Variants in GPATCH2L observed in about 807,000 individuals in gnomAD.
GPATCH2L encodes G-patch domain containing 2 like, also known as G patch domain-containing protein 2-like.
Under a neutral mutation model 57.4 loss-of-function variants are expected in GPATCH2L, and 31 were observed. The ratio of observed to expected loss-of-function variants is 0.54; its 90% CI spans 0.41 to 0.73. GPATCH2L has a LOEUF of 0.73. GPATCH2L is among the 30% of genes least tolerant of loss of function. GPATCH2L has a pLI of 0.00. For missense variants in GPATCH2L, 481 were observed against 599.9 expected, an observed-to-expected ratio of 0.80 and a Z score of 2.07; for synonymous variants, 199 against 210.7, an observed-to-expected ratio of 0.94 and a Z score of 0.48.
At chr14:76,191,984 C>A (rs1447641705) in intron 8 of GPATCH2L, among the ~76,000 whole-genome samples, 6 of 152,174 alleles carry the variant, frequency 3.9e-5, no homozygotes, top group African/African-American at 1.4e-4. Context: ...CTTTTTACTT[C>A]TATGAGATCA....
intron 1 of GPATCH2L, among the ~76,000 whole-genome samples, chr14:76,223,919 C>T (rs1178971483): frequency 6.6e-6 from 1 of 152,146 alleles, no homozygotes; most frequent in African/African-American, 2.4e-5. Context: ...AACTTATGTA[C>T]CCCCAAAAGC....
intron 8 of GPATCH2L, among the ~76,000 whole-genome samples, chr14:76,184,213 A>G (rs974133823): frequency 5.9e-5 from 9 of 152,186 alleles, no homozygotes; most frequent in African/African-American, 1.9e-4. Context: ...CCTCTTCATC[A>G]TGGAATTTTT....
At chr14:76,165,319 C>T (rs1455728402) in intron 2 of GPATCH2L, among the ~76,000 whole-genome samples, 9 of 151,868 alleles carry the variant, frequency 5.9e-5, no homozygotes, top group Non-Finnish European at 1.2e-4. Flanking sequence ...TGGTGAAACC[C>T]TGTTTCTACT....
chr14:76,222,498 T>C (rs1278813396), intron 1 of GPATCH2L, among the ~76,000 whole-genome samples: 1 of 151,822 alleles, frequency 6.6e-6, no homozygotes. Flanking sequence ...TCCCAGCTAC[T>C]CAGGAGGCTG....
rs1202661077 is a variant in GPATCH2L at position 76,210,340 on chromosome 14, TAA to T, written c.*8491_*8492del. ...CAAGATTCAGATTCAAGTCTGATGT[TAA>T]AGAGTGTCTGTTCCCAATCAATACC... On this transcript the variant is annotated 3_prime_UTR_variant, in exon 10 of 10. Coordinates refer to ENST00000261530, the MANE Select transcript of GPATCH2L (RefSeq NM_017926.4). The T allele has an allele frequency of 6.6e-6, 1 of 152,236 alleles. No homozygotes were observed. Among genetic ancestry groups the T allele is most frequent in the African/African-American group, 2.4e-5 (1 of 41,464 alleles). 9.4% of individuals were successfully genotyped at this position (152,236 alleles called of 1,614,324 possible).
chr14:76,156,785 G>A (rs75354541), intron 2 of GPATCH2L, among the ~76,000 whole-genome samples: 3,183 of 152,252 alleles, frequency 0.021, 102 homozygotes, highest in African/African-American at 0.072. Flanking sequence ...GTGAGAGAGC[G>A]ACTGTTAACT....
rs1032490451 is a variant in GPATCH2L at position 76,151,932 on chromosome 14, G to C, written c.-70G>C. On this transcript the variant is annotated 5_prime_UTR_variant, in exon 1 of 10. Coordinates refer to ENST00000261530, the MANE Select transcript of GPATCH2L (RefSeq NM_017926.4). Reference sequence around the variant, plus strand: ...ACCGGAAATGAGGTCAGAGAGGGAAGCCCCGGCGGTGAGAGTCGGCCCAAA... The same window carrying C: ...ACCGGAAATGAGGTCAGAGAGGGAACCCCCGGCGGTGAGAGTCGGCCCAAA... 1.3e-5 allele frequency: 2 copies of C among 153,510 alleles called. No homozygotes were observed. Among genetic ancestry groups the C allele is most frequent in the Admixed American group, 6.5e-5 (1 of 15,308 alleles). The allele number at this position is 153,510 out of a possible 1,614,324, so 9.5% of individuals were successfully genotyped here.
intron 8 of GPATCH2L, 140 bp downstream of exon 8, chr14:76,180,989 G>T: frequency 1.6e-6 from 1 of 616,550 alleles, no homozygotes; most frequent in Non-Finnish European, 2.9e-6. Context: ...ATGTTTTACA[G>T]ATGTAGAAAC....
chr14:76,209,238 C>G lies in GPATCH2L; in HGVS notation c.*7387C>G, dbSNP rs778775419. ...GGTCAGTCTAGCACAGACTGGATGC[C>G]GGTCTCTGCCGCCACCTCCGTTATT... On this transcript the variant is annotated 3_prime_UTR_variant, in exon 10 of 10. Transcript: ENST00000261530. 1 of 152,198 alleles carries G rather than the reference C, an allele frequency of 6.6e-6. No homozygotes were observed. Among genetic ancestry groups the G allele is most frequent in the Admixed American group, 6.5e-5 (1 of 15,280 alleles). 9.4% of individuals were successfully genotyped at this position (152,198 alleles called of 1,614,324 possible).
At chr14:76,169,090 C>G (rs1052922744) in intron 3 of GPATCH2L, among the ~76,000 whole-genome samples, 1 of 152,220 alleles carries the variant, frequency 6.6e-6, no homozygotes, top group Admixed American at 6.5e-5. Flanking sequence ...CTTGTTAGTA[C>G]TGTCTCCACC....
rs537485687 is a variant in GPATCH2L at position 76,192,480 on chromosome 14, T to C, written c.1194-3398T>C. ...ACCTTGAAATGGGTCTTAAGAGAAA[T>C]GTTTTAAGAGGGAAGGATCATTTAA... On this transcript the variant is annotated intron_variant, in intron 8 of 9. Transcript: ENST00000261530. Among the ~76,000 whole-genome samples, 4 of 152,246 alleles carry C rather than the reference T, an allele frequency of 2.6e-5. No individual in the cohort carries two copies. In the East Asian group the frequency reaches 7.7e-4, roughly 29 times the overall value.
At chr14:76,168,716 C>T (rs983370260) in intron 3 of GPATCH2L, among the ~76,000 whole-genome samples, 1 of 152,126 alleles carries the variant, frequency 6.6e-6, no homozygotes, top group Non-Finnish European at 1.5e-5. Flanking sequence ...TATGACCAAG[C>T]CCAGAGTCAG....
At chr14:76,193,696 C>G (rs1323459410) in intron 8 of GPATCH2L, among the ~76,000 whole-genome samples, 1 of 152,164 alleles carries the variant, frequency 6.6e-6, no homozygotes, top group Admixed American at 6.5e-5. Context: ...TGTCTTCCCC[C>G]TCACCACTGC....
rs1205577292 is a variant in GPATCH2L, at chr14:76,212,931, A to G, written c.*11080A>G. On this transcript the variant is annotated 3_prime_UTR_variant, in exon 10 of 10. Transcript: ENST00000261530. Reference sequence around the variant, plus strand: ...TATTCTTGGGTTGATTAGGAAATGCAAAGTATTAAAAAAACATTTCATATC... The same window carrying G: ...TATTCTTGGGTTGATTAGGAAATGCGAAGTATTAAAAAAACATTTCATATC... 2.0e-5 allele frequency: 3 copies of G among 152,194 alleles called. No individual in the cohort carries two copies. Among genetic ancestry groups the G allele is most frequent in the Non-Finnish European group, 2.9e-5 (2 of 68,030 alleles). 9.4% of individuals were successfully genotyped at this position (152,194 alleles called of 1,614,324 possible).
chr14:76,176,390 A>T, intron 5 of GPATCH2L: 1 of 559,090 alleles, frequency 1.8e-6, no homozygotes, highest in East Asian at 3.0e-5. Flanking sequence ...TCTATGATGT[A>T]TTTATAAAGA....
intron 1 of GPATCH2L, among the ~76,000 whole-genome samples, chr14:76,224,427 A>G (rs1398864044): frequency 6.6e-6 from 1 of 152,212 alleles, no homozygotes; most frequent in Non-Finnish European, 1.5e-5. Flanking sequence ...ATTTCACTAC[A>G]TTAGCATCGT....
intron 1 of GPATCH2L, chr14:76,153,640 A>G (rs531017927): frequency 6.6e-6 from 1 of 152,348 alleles, no homozygotes; most frequent in East Asian, 1.9e-4. Context: ...TCAAAAATAT[A>G]TGACATACTG....
chr14:76,210,544 T>C lies in GPATCH2L; in HGVS notation c.*8693T>C, dbSNP rs529049593. The C allele has an allele frequency of 6.6e-6, 1 of 152,322 alleles. No individual in the cohort carries two copies. Among genetic ancestry groups the C allele is most frequent in the Admixed American group, 6.5e-5 (1 of 15,294 alleles). The allele number at this position is 152,322 out of a possible 1,614,324, so 9.4% of individuals were successfully genotyped here. ...GGCTCATCCCTTCTCTGTGCGTACA[T>C]GATTGAAAGGAGATAGCCGGTTTCT... is the stretch of plus-strand genomic sequence containing the variant. On this transcript the variant is annotated 3_prime_UTR_variant, in exon 10 of 10. Transcript: ENST00000261530.
chr14:76,172,551 A>C (rs1183162677), intron 4 of GPATCH2L, among the ~76,000 whole-genome samples: 1 of 152,198 alleles, frequency 6.6e-6, no homozygotes, highest in African/African-American at 2.4e-5. Context: ...GGTGGAAAGA[A>C]CCTAGGACAG....
Sources: allele counts gnomAD v4.1 joint callset (sites outside exome capture counted in the v4.1 genomes callset), GRCh38; gene constraint gnomAD v4.1.1; transcripts MANE v1.5; gene names NCBI Gene and HGNC (gene_info 2026-07-23, HGNC 2026-07-21).